The following RAB12 variants were observed in gnomAD, a reference collection of about 807,000 sequenced individuals.
RAB12 encodes ras-related protein Rab-12.
RAB12 carries 11 observed loss-of-function variants against 28.4 expected under a neutral mutation model. The observed-to-expected ratio is 0.39, with a 90% CI of 0.24 to 0.64. The LOEUF (loss-of-function observed/expected upper bound fraction) is 0.64. Among genes scored for constraint, RAB12 ranks in the 30% least tolerant of loss-of-function variants. RAB12 has a pLI of 0.50. For missense variants in RAB12, 276 were observed against 351.1 expected, an observed-to-expected ratio of 0.79 and a Z score of 1.71; for synonymous variants, 138 against 145.3, an observed-to-expected ratio of 0.95 and a Z score of 0.36.
chr18:8,619,436 T>G (rs2096008552), intron 1 of RAB12, among the ~76,000 whole-genome samples: 1 of 152,224 alleles, frequency 6.6e-6, no homozygotes, highest in Non-Finnish European at 1.5e-5. Context: ...ATAGAAATCT[T>G]ACAAGCACTA....
chr18:8,637,549 G>A (rs181757539), intron 5 of RAB12, among the ~76,000 whole-genome samples: 11 of 152,194 alleles, frequency 7.2e-5, no homozygotes, highest in African/African-American at 1.9e-4. Flanking sequence ...GATCTTTAAC[G>A]ATCGGAGGAC....
chr18:8,620,164 T>TTTTAAAA (rs1241560251), intron 1 of RAB12, among the ~76,000 whole-genome samples: 2 of 55,350 alleles, frequency 3.6e-5, no homozygotes, highest in African/African-American at 1.0e-4. Context: ...TTTTTTTGCT[T>TTTTAAAA]CAAAAAAAAA....
intron 1 of RAB12, among the ~76,000 whole-genome samples, chr18:8,612,655 G>A (rs1053665641): frequency 2.6e-5 from 4 of 152,136 alleles, no homozygotes; most frequent in Non-Finnish European, 4.4e-5. Flanking sequence ...TTTCCATTAA[G>A]AGCCTTTTTA....
intron 2 of RAB12, among the ~76,000 whole-genome samples, chr18:8,630,383 C>T (rs994699161): frequency 1.8e-4 from 28 of 152,170 alleles, no homozygotes; most frequent in African/African-American, 6.5e-4. Flanking sequence ...GTCTGGGTTA[C>T]TATAAGGGGT....
rs765028369 is a variant in RAB12 at position 8,609,856 on chromosome 18, G to A, written c.417G>A (p.Leu139=). 5.0e-6 allele frequency: 8 copies of A among 1,591,332 alleles called. No individual in the cohort carries two copies. The highest frequency in any genetic ancestry group is 6.8e-6 in the Non-Finnish European group (8 of 1,170,674). Residue 139 remains leucine, a synonymous_variant, in exon 1 of 6, where the codon TTG becomes TTA. Transcript: ENST00000649141. ...KQPPRPADFK[L]QVIIIGSRGV... ...CCCCCAGGCCGGCCGACTTCAAGTT[G>A]CAGGTCATCATTATCGGCTCCCGCG...
At chr18:8,613,819 C>G (rs2096005164) in intron 1 of RAB12, among the ~76,000 whole-genome samples, 1 of 141,990 alleles carries the variant, frequency 7.0e-6, no homozygotes, top group South Asian at 2.3e-4. Flanking sequence ...TTGTCTGTGC[C>G]TATAAATAGA....
At chr18:8,637,652 C>T (rs1276787987) in intron 5 of RAB12, among the ~76,000 whole-genome samples, 1 of 151,890 alleles carries the variant, frequency 6.6e-6, no homozygotes, top group Non-Finnish European at 1.5e-5. Flanking sequence ...AGGTGCTGAC[C>T]CCCTAAACAG....
At chr18:8,631,476 C>T (rs531280496) in intron 2 of RAB12, among the ~76,000 whole-genome samples, 2 of 152,198 alleles carry the variant, frequency 1.3e-5, no homozygotes, top group Non-Finnish European at 2.9e-5. Context: ...ACTCTGCCCA[C>T]TACTGCCCTG....
chr18:8,638,329 A>G lies in RAB12; in HGVS notation c.*67A>G. 1 of 1,103,574 alleles carries G rather than the reference A, an allele frequency of 9.1e-7. No homozygotes were observed. Among genetic ancestry groups the G allele is most frequent in the South Asian group, 1.3e-5 (1 of 77,376 alleles). 68.4% of individuals were successfully genotyped at this position (1,103,574 alleles called of 1,614,324 possible). On this transcript the variant is annotated 3_prime_UTR_variant, in exon 6 of 6. Coordinates refer to ENST00000649141, the MANE Select transcript of RAB12 (RefSeq NM_001025300.3). Reference sequence around the variant, plus strand: ...GGGAAAAAACGTTCTATTCTGCACTACAATCATTTTGACAATTTCCTTTCG... The same window carrying G: ...GGGAAAAAACGTTCTATTCTGCACTGCAATCATTTTGACAATTTCCTTTCG...
intron 1 of RAB12, among the ~76,000 whole-genome samples, chr18:8,621,267 A>G (rs533460249): frequency 1.3e-5 from 2 of 152,334 alleles, no homozygotes; most frequent in South Asian, 4.1e-4. Context: ...CACTTCTATG[A>G]CATCCCAGTA....
intron 1 of RAB12, among the ~76,000 whole-genome samples, chr18:8,618,326 C>A (rs770043906): frequency 6.6e-6 from 1 of 151,982 alleles, no homozygotes; most frequent in Non-Finnish European, 1.5e-5. Context: ...TTTTTAATGA[C>A]GCATAGTAAC....
chr18:8,621,748 T>G (rs149228434), intron 1 of RAB12, among the ~76,000 whole-genome samples: 4 of 152,234 alleles, frequency 2.6e-5, no homozygotes, highest in Admixed American at 2.0e-4. Flanking sequence ...TGATAGGTAG[T>G]TTTTCAGTCC....
Position 8,609,524 on chromosome 18 carries a change from G to T in RAB12, c.85G>T (p.Gly29Trp). ...CGGCAGCGGCGGAGGAGGAGGAGGA[G>T]GGGACCCGGGCGCAGAGAGCCGGCC... ...GGGSGGGGGG[G>W]DPGAESRPAA... The change falls in exon 1 of 6, where the codon GGG becomes TGG. Residue 29 changes from glycine to tryptophan, a missense_variant. Coordinates refer to ENST00000649141, the MANE Select transcript of RAB12 (RefSeq NM_001025300.3). 1 of 151,000 alleles carries T rather than the reference G, an allele frequency of 6.6e-6. No homozygotes were observed. The highest frequency in any genetic ancestry group is 1.8e-4 in the South Asian group (1 of 5,622). The allele number at this position is 151,000 out of a possible 1,614,324, so 9.4% of individuals were successfully genotyped here. A position where few individuals can be genotyped will look rare whatever the true frequency, so the allele number is the denominator to read the frequency against.
chr18:8,637,818 GAA>G (rs564934839), intron 5 of RAB12, among the ~76,000 whole-genome samples: 1 of 152,118 alleles, frequency 6.6e-6, no homozygotes, highest in Non-Finnish European at 1.5e-5. Flanking sequence ...CTAGAGAAAA[GAA>G]AATGTTATTA....
Position 8,638,217 on chromosome 18 carries a change from AC to A in RAB12, c.980del (p.Pro327ArgfsTer41). 6.2e-7 allele frequency: 1 copy of A among 1,614,004 alleles called. No homozygotes were observed. ...TGTCGTTACAACCAGAGCCTGAGAT[AC>A]CGCCAGAACTGCCTCCACCAAGACC... Reference protein sequence around the residue: ...ILSLQPEPEIPPELPPPRPHV... With the variant: ...ILSLQPEPEIXPELPPPRPHV... On this transcript the variant is annotated frameshift_variant, in exon 6 of 6. Coordinates refer to ENST00000649141, the MANE Select transcript of RAB12 (RefSeq NM_001025300.3). LOFTEE classifies it high-confidence loss of function.
Position 8,639,145 on chromosome 18 carries a change from T to TTC in RAB12, c.*885_*886dup, listed in dbSNP as rs1475664289. The TTC allele has an allele frequency of 3.0e-5, 3 of 98,808 alleles. No individual in the cohort carries two copies. Among genetic ancestry groups the TTC allele is most frequent in the East Asian group, 2.6e-4 (1 of 3,830 alleles). 6.1% of individuals were successfully genotyped at this position (98,808 alleles called of 1,614,324 possible). On this transcript the variant is annotated 3_prime_UTR_variant, in exon 6 of 6. Transcript: ENST00000649141. ...TTATTCTGATTAAGCCTAGACTGTG[T>TTC]TCTTTTTTTTTTTTTTTTTTTTTTT...
intron 1 of RAB12, among the ~76,000 whole-genome samples, chr18:8,616,663 A>C (rs1029498091): frequency 6.6e-6 from 1 of 152,146 alleles, no homozygotes; most frequent in African/African-American, 2.4e-5. Flanking sequence ...GATTGGCTAA[A>C]GAATCACACA....
intron 1 of RAB12, among the ~76,000 whole-genome samples, chr18:8,615,709 C>T (rs921905203): frequency 1.3e-5 from 2 of 152,188 alleles, no homozygotes; most frequent in African/African-American, 2.4e-5. Flanking sequence ...CTTGACAAAA[C>T]GTCCCCTTTT....
At chr18:8,633,009 T>C (rs922983982) in intron 2 of RAB12, 180 bp from the exon 3 acceptor site, 2 of 643,744 alleles carry the variant, frequency 3.1e-6, no homozygotes, top group Non-Finnish European at 5.4e-6. Flanking sequence ...GTCATAGTTT[T>C]AGTCAACCTA....
Sources: gnomAD v4.1 joint callset for allele counts (sites outside exome capture counted in the v4.1 genomes callset) on GRCh38, gnomAD v4.1.1 for gene constraint, MANE v1.5 for transcripts, NCBI Gene and HGNC (gene_info 2026-07-23, HGNC 2026-07-21) for gene names.